Variants in TCERG1 observed in about 807,000 individuals in gnomAD.
TCERG1 encodes transcription elongation regulator 1.
A neutral mutation model predicts 144.7 loss-of-function variants in TCERG1; 37 were observed. That is an observed-to-expected ratio of 0.26 (90% confidence interval 0.20 to 0.34). The LOEUF is 0.34. Ranked by LOEUF, TCERG1 falls within the 10% of genes least tolerant of loss-of-function variation. The probability of loss-of-function intolerance (pLI) is 1.00; values close to 1 mark genes in which losing one functional copy is unlikely to be tolerated. For missense variants in TCERG1, 1,027 were observed against 1,380.7 expected (o/e 0.74, Z 4.06); for synonymous variants, 492 against 458.2 (o/e 1.07, Z -0.94).
At chr5:146,510,035 G>A (rs1243178876) in intron 22 of TCERG1, 5 of 1,286,120 alleles carry the variant, frequency 3.9e-6, no homozygotes, top group Non-Finnish European at 5.1e-6. Context: ...TAAATTAGAT[G>A]TGAAGTAAGA....
Position 146,507,364 on chromosome 5 carries a change from C to G in TCERG1, c.2961+157C>G, listed in dbSNP as rs1768099857. 1.0e-5 allele frequency: 7 copies of G among 678,608 alleles called. No homozygotes were observed. Among genetic ancestry groups the G allele is most frequent in the Non-Finnish European group, 1.6e-5 (7 of 441,718 alleles). 42.0% of individuals were successfully genotyped at this position (678,608 alleles called of 1,614,324 possible). A position where few individuals can be genotyped will look rare whatever the true frequency, so the allele number is the denominator to read the frequency against. On this transcript the variant is annotated intron_variant, in intron 20 of 22. Coordinates refer to ENST00000679501, the MANE Select transcript of TCERG1 (RefSeq NM_001382548.1). This position sits in a 1 kb window ranked among gnomAD's most constrained non-coding sequence, Gnocchi z 4.6. ...TCTGATTTTAAAAAATTATGGTATT[C>G]TTATTTATTTAGAAATGCCTATTCT...
chr5:146,483,750 C>A, intron 15 of TCERG1, 121 bp downstream of exon 15: 1 of 690,000 alleles, frequency 1.4e-6, no homozygotes, highest in Non-Finnish European at 2.4e-6. Flanking sequence ...TATAGTCTTG[C>A]ATCTTAGAAC....
chr5:146,473,115 T>G (rs1764502262), intron 9 of TCERG1, among the ~76,000 whole-genome samples: 1 of 152,182 alleles, frequency 6.6e-6, no homozygotes, highest in Non-Finnish European at 1.5e-5. Flanking sequence ...TTGGGCTAAA[T>G]AGCCAAGTTG....
chr5:146,507,965 A>T lies in TCERG1; in HGVS notation c.3045+9A>T, dbSNP rs776825524. Reference sequence around the variant, plus strand: ...TCTCCTCCAGTGACAGGGTAAGAGGATTTTGTGTCGAGATTTACTGTCAGT... The same window carrying T: ...TCTCCTCCAGTGACAGGGTAAGAGGTTTTTGTGTCGAGATTTACTGTCAGT... On this transcript the variant is annotated intron_variant, in intron 21 of 22. Transcript: ENST00000679501. This position sits in a 1 kb window ranked among gnomAD's most constrained non-coding sequence, Gnocchi z 4.6. 6.3e-7 allele frequency: 1 copy of T among 1,593,898 alleles called. No individual in the cohort carries two copies. Among genetic ancestry groups the T allele is most frequent in the South Asian group, 1.1e-5 (1 of 87,094 alleles).
At chr5:146,495,488 A>G (rs1766805737) in intron 16 of TCERG1, among the ~76,000 whole-genome samples, 1 of 152,140 alleles carries the variant, frequency 6.6e-6, no homozygotes, top group African/African-American at 2.4e-5. Context: ...ATGCCATTTT[A>G]TTATTGTTAT....
chr5:146,502,767 A>G (rs1388492700), intron 17 of TCERG1, among the ~76,000 whole-genome samples: 1 of 152,216 alleles, frequency 6.6e-6, no homozygotes, highest in East Asian at 1.9e-4. Context: ...GAACATAGAA[A>G]TTCTGTAACT....
intron 3 of TCERG1, among the ~76,000 whole-genome samples, chr5:146,457,629 G>C (rs770311388): frequency 1.3e-5 from 2 of 152,248 alleles, no homozygotes; most frequent in African/African-American, 4.8e-5. Context: ...CAGGTGTTCA[G>C]CGTAGCTGGT....
chr5:146,501,340 C>A (rs1401620962), intron 17 of TCERG1, among the ~76,000 whole-genome samples: 1 of 133,244 alleles, frequency 7.5e-6, no homozygotes, highest in Non-Finnish European at 1.6e-5. Context: ...CAATTGTTCT[C>A]ATACTGATAG....
chr5:146,473,050 T>G (rs1282152215), intron 9 of TCERG1, among the ~76,000 whole-genome samples: 1 of 151,930 alleles, frequency 6.6e-6, no homozygotes, highest in Non-Finnish European at 1.5e-5. Context: ...TAAACATGAT[T>G]AAGCTTAGTA....
At chr5:146,462,686 C>T (rs1193264721) in intron 4 of TCERG1, among the ~76,000 whole-genome samples, 1 of 152,046 alleles carries the variant, frequency 6.6e-6, no homozygotes, top group Non-Finnish European at 1.5e-5. Flanking sequence ...TCCATTCATT[C>T]ATATCCAGTT....
At chr5:146,464,578 A>G (rs759663393) in intron 5 of TCERG1, among the ~76,000 whole-genome samples, 2 of 152,222 alleles carry the variant, frequency 1.3e-5, no homozygotes, top group Non-Finnish European at 2.9e-5. Context: ...TAAAAATGAT[A>G]GTGTTGGGCA....
chr5:146,504,511 G>A (rs1291717619), intron 19 of TCERG1: 1 of 152,238 alleles, frequency 6.6e-6, no homozygotes, highest in Non-Finnish European at 1.5e-5. Context: ...AGGGTTTTTT[G>A]TCCCTACAGT....
intron 15 of TCERG1, among the ~76,000 whole-genome samples, chr5:146,490,292 T>C (rs1766272542): frequency 6.6e-6 from 1 of 152,220 alleles, no homozygotes; most frequent in African/African-American, 2.4e-5. Context: ...ATATGTGGAT[T>C]GACTTGGGAA....
intron 17 of TCERG1, 29 bp from the exon 18 acceptor site, chr5:146,503,346 C>T: frequency 6.3e-7 from 1 of 1,598,892 alleles, no homozygotes; most frequent in South Asian, 1.1e-5. Context: ...TATTTTCCCT[C>T]CCATCCCACT....
At chr5:146,476,977 A>G (rs1340401436) in intron 9 of TCERG1, among the ~76,000 whole-genome samples, 2 of 151,948 alleles carry the variant, frequency 1.3e-5, no homozygotes, top group African/African-American at 2.4e-5. Flanking sequence ...TTTCCCAGGC[A>G]GGTTTCAAAC....
At chr5:146,460,688 C>T (rs899100391) in intron 4 of TCERG1, among the ~76,000 whole-genome samples, 4 of 152,092 alleles carry the variant, frequency 2.6e-5, no homozygotes, top group African/African-American at 9.7e-5. Context: ...AAGTAAGGTA[C>T]ATATAATATG....
Position 146,483,410 on chromosome 5 carries a change from A to G in TCERG1, c.2074-130A>G, listed in dbSNP as rs184902340. Reference sequence around the variant, plus strand: ...AGCCTCCCACTGCTTGTCATTTATTAGTGATGGAAACTTCAGTATGGTTTT... The same window carrying G: ...AGCCTCCCACTGCTTGTCATTTATTGGTGATGGAAACTTCAGTATGGTTTT... On this transcript the variant is annotated intron_variant, in intron 14 of 22. Coordinates refer to ENST00000679501, the MANE Select transcript of TCERG1 (RefSeq NM_001382548.1). The G allele has an allele frequency of 8.6e-6, 6 of 695,160 alleles. No individual in the cohort carries two copies. In the Admixed American group the frequency reaches 2.0e-4, roughly 23 times the overall value. The allele number at this position is 695,160 out of a possible 1,614,324, so 43.1% of individuals were successfully genotyped here. A position where few individuals can be genotyped will look rare whatever the true frequency, so the allele number is the denominator to read the frequency against.
At chr5:146,506,466 G>A (rs1036940407) in intron 19 of TCERG1, among the ~76,000 whole-genome samples, 1 of 152,162 alleles carries the variant, frequency 6.6e-6, no homozygotes, top group Non-Finnish European at 1.5e-5. Context: ...TTAAACCAAA[G>A]CTGTTTAACA....
chr5:146,506,880 C>A, intron 19 of TCERG1, 148 bp from the exon 20 acceptor site: 1 of 566,426 alleles, frequency 1.8e-6, no homozygotes, highest in Non-Finnish European at 2.9e-6. Flanking sequence ...ATATTTATTA[C>A]ATTTTCTTTA....
Sources: gnomAD v4.1 joint callset for allele counts (sites outside exome capture counted in the v4.1 genomes callset) on GRCh38, gnomAD v4.1.1 for gene constraint, Gnocchi (gnomAD v3.1) non-coding constraint, MANE v1.5 for transcripts, NCBI Gene and HGNC (gene_info 2026-07-23, HGNC 2026-07-21) for gene names.